The following UCHL5 variants were observed in gnomAD, a reference collection of about 807,000 sequenced individuals.
The protein encoded by UCHL5 is ubiquitin C-terminal hydrolase L5.
Under a neutral mutation model 53.8 loss-of-function variants are expected in UCHL5, and 34 were observed. The observed-to-expected ratio is 0.63, with a 90% CI of 0.48 to 0.84. The LOEUF is 0.84. UCHL5 is among the 40% of genes least tolerant of loss of function. The pLI is 0.00. For synonymous variants in UCHL5, 111 were observed against 126.3 expected (o/e 0.88, Z 0.81); for missense variants, 290 against 385.6 (o/e 0.75, Z 2.08).
intron 9 of UCHL5, among the ~76,000 whole-genome samples, 178 bp downstream of exon 9, chr1:193,022,748 C>CAAAAAT (rs767615117): frequency 6.8e-6 from 1 of 147,844 alleles, no homozygotes; most frequent in Non-Finnish European, 1.5e-5. Context: ...TAATATTTTA[C>CAAAAAT]AAAAATAAAA....
At chr1:193,059,612 A>G, upstream of UCHL5, 1 of 1,430,706 alleles carries the variant, frequency 7.0e-7, no homozygotes, top group Non-Finnish European at 9.4e-7. The surrounding 1 kb of genome is among the most constrained non-coding windows in gnomAD (Gnocchi z 4.9). Flanking sequence ...GAGGGGCAGG[A>G]CTCGTTCCCG....
intron 7 of UCHL5, 123 bp from the exon 8 acceptor site, chr1:193,024,069 G>T (rs1438193653): frequency 2.7e-6 from 2 of 740,394 alleles, no homozygotes; most frequent in African/African-American, 1.8e-5. Flanking sequence ...CAATTGGCTA[G>T]CAATAAAAAT....
chr1:193,015,573 A>C lies in UCHL5; in HGVS notation c.*778T>G, dbSNP rs964160729. 7.9e-5 allele frequency: 12 copies of C among 152,062 alleles called. No individual in the cohort carries two copies. The allele number at this position is 152,062 out of a possible 1,614,324, so 9.4% of individuals were successfully genotyped here. On this transcript the variant is annotated 3_prime_UTR_variant, in exon 11 of 11. Coordinates refer to ENST00000367454, the MANE Select transcript of UCHL5 (RefSeq NM_001199261.3). ...AAAAAAGCAGATAACATGAACTGTCAGACCTCCAGTTTTTTTATACACAGC... is the reference window on the plus strand; with the variant it reads ...AAAAAAGCAGATAACATGAACTGTCCGACCTCCAGTTTTTTTATACACAGC...
rs546319933 is a variant in UCHL5 at position 193,014,634 on chromosome 1, G to A, written c.*1717C>T. 1 of 152,166 alleles carries A rather than the reference G, an allele frequency of 6.6e-6. No homozygotes were observed. Among genetic ancestry groups the A allele is most frequent in the Non-Finnish European group, 1.5e-5 (1 of 67,962 alleles). 9.4% of individuals were successfully genotyped at this position (152,166 alleles called of 1,614,324 possible). ...CAAAGTCATTTTTGTGAGGTAGGGG[G>A]TCATTGTTCACTTTTTTCTATATGG... On this transcript the variant is annotated 3_prime_UTR_variant, in exon 11 of 11. Transcript: ENST00000367454.
At chr1:193,036,700 A>G in intron 3 of UCHL5, among the ~76,000 whole-genome samples, 1 of 152,106 alleles carries the variant, frequency 6.6e-6, no homozygotes, top group East Asian at 1.9e-4. Flanking sequence ...TTTCATCAGC[A>G]TATGGATATC....
At chr1:193,043,165 A>T (rs1202734078) in intron 3 of UCHL5, among the ~76,000 whole-genome samples, 1 of 148,080 alleles carries the variant, frequency 6.8e-6, no homozygotes, top group Non-Finnish European at 1.5e-5. Flanking sequence ...AAAAAAAAAA[A>T]AAAAAAAAAA....
chr1:193,053,197 C>T (rs1480832201), intron 1 of UCHL5, among the ~76,000 whole-genome samples: 2 of 152,124 alleles, frequency 1.3e-5, no homozygotes, highest in African/African-American at 4.8e-5. Flanking sequence ...AGGGAAAAAA[C>T]CTCATAAATG....
At position 193,013,564 on chromosome 1, in the gene UCHL5, A is replaced by T. The variant is rs1158316358; in HGVS notation, c.*2787T>A. 6.6e-6 allele frequency: 1 copy of T among 152,184 alleles called. No homozygotes were observed. Among genetic ancestry groups the T allele is most frequent in the South Asian group, 2.1e-4 (1 of 4,834 alleles). The allele number at this position is 152,184 out of a possible 1,614,324, so 9.4% of individuals were successfully genotyped here. On this transcript the variant is annotated 3_prime_UTR_variant, in exon 11 of 11. Coordinates refer to ENST00000367454, the MANE Select transcript of UCHL5 (RefSeq NM_001199261.3). ...AATGTTAATGTGCTCATCCCTGTAAATAGAAATATGGTAATTTAAATTTTA... is the reference window on the plus strand; with the variant it reads ...AATGTTAATGTGCTCATCCCTGTAATTAGAAATATGGTAATTTAAATTTTA...
At chr1:193,034,210 A>G (rs947901412) in intron 3 of UCHL5, among the ~76,000 whole-genome samples, 5 of 152,156 alleles carry the variant, frequency 3.3e-5, no homozygotes, top group African/African-American at 1.2e-4. Flanking sequence ...TGGTAGGTTA[A>G]TATAATACAT....
chr1:193,053,242 T>C (rs577313301), intron 1 of UCHL5, among the ~76,000 whole-genome samples: 6 of 152,344 alleles, frequency 3.9e-5, no homozygotes, highest in African/African-American at 1.4e-4. Context: ...AAGAAGGGCA[T>C]GGAAGGATGT....
intron 3 of UCHL5, among the ~76,000 whole-genome samples, chr1:193,032,344 A>G (rs10921305): frequency 0.68 from 103,185 of 151,932 alleles, 35,982 homozygotes; most frequent in Non-Finnish European, 0.76. Flanking sequence ...CTGAAGCTGG[A>G]CCCCTTCCTT....
At chr1:193,028,426 T>C (rs1167884930) in intron 6 of UCHL5, among the ~76,000 whole-genome samples, 1 of 152,112 alleles carries the variant, frequency 6.6e-6, no homozygotes, top group Non-Finnish European at 1.5e-5. Flanking sequence ...ACAAACAAAA[T>C]GCACCCATGT....
Position 193,054,683 on chromosome 1 carries a change from C to A in UCHL5, c.77-2866G>T, listed in dbSNP as rs527327406. On this transcript the variant is annotated intron_variant, in intron 1 of 10. Transcript: ENST00000367454. ...CACTTGCTTCCAGGGGCACCATATG[C>A]ACCCCAAGACTTCTTGTGTGAAAGC... Among the ~76,000 whole-genome samples, 7 of 152,296 alleles carry A rather than the reference C, an allele frequency of 4.6e-5. No homozygotes were observed. In the South Asian group the frequency reaches 1.4e-3, roughly 32 times the overall value.
At chr1:193,030,682 TC>T (rs1197275078) in intron 3 of UCHL5, among the ~76,000 whole-genome samples, 5 of 152,316 alleles carry the variant, frequency 3.3e-5, no homozygotes, top group Admixed American at 1.3e-4. Context: ...AATTAGTCTT[TC>T]CAATAATGCT....
At chr1:193,059,361 G>T, upstream of UCHL5, 2 of 1,606,166 alleles carry the variant, frequency 1.2e-6, no homozygotes, top group Non-Finnish European at 1.7e-6. The surrounding 1 kb of genome is among the most constrained non-coding windows in gnomAD (Gnocchi z 4.9). Flanking sequence ...CGCCGAGCTC[G>T]TCAACCACAC....
At chr1:193,037,769 A>G (rs903410700) in intron 3 of UCHL5, among the ~76,000 whole-genome samples, 1 of 152,142 alleles carries the variant, frequency 6.6e-6, no homozygotes, top group Non-Finnish European at 1.5e-5. Context: ...ACCAAATTAA[A>G]TAATACCACA....
At chr1:193,021,294 C>T (rs1656918480) in intron 9 of UCHL5, 99 bp from the exon 10 acceptor site, 1 of 702,456 alleles carries the variant, frequency 1.4e-6, no homozygotes, top group Non-Finnish European at 2.4e-6. Flanking sequence ...TATCCATTCT[C>T]ATAAGAAAAT....
chr1:193,016,377 C>G lies in UCHL5; in HGVS notation c.961G>C (p.Ala321Pro). The G allele has an allele frequency of 6.2e-7, 1 of 1,605,200 alleles. No homozygotes were observed. Among genetic ancestry groups the G allele is most frequent in the Non-Finnish European group, 8.5e-7 (1 of 1,177,014 alleles). ...CATTTGGTTTCCTGAGCTTTCTTTG[C>G]GTTCTGTTTTTCTTTTGCCTAAAAA... ...LVEKAKEKQNAKKAQETK is the reference protein window; with the variant it reads ...LVEKAKEKQNPKKAQETK The change falls in exon 11 of 11, where the codon GCA becomes CCA. Residue 321 changes from alanine to proline, a missense_variant. Coordinates refer to ENST00000367454, the MANE Select transcript of UCHL5 (RefSeq NM_001199261.3).
chr1:193,046,114 C>G (rs1489628926), intron 3 of UCHL5, among the ~76,000 whole-genome samples: 1 of 152,148 alleles, frequency 6.6e-6, no homozygotes, highest in Non-Finnish European at 1.5e-5. Flanking sequence ...TTACTGCAGC[C>G]TCAACCTCCT....
Sources: gnomAD v4.1 joint callset for allele counts (sites outside exome capture counted in the v4.1 genomes callset) on GRCh38, gnomAD v4.1.1 for gene constraint, Gnocchi (gnomAD v3.1) non-coding constraint, MANE v1.5 for transcripts, NCBI Gene and HGNC (gene_info 2026-07-23, HGNC 2026-07-21) for gene names.